CDK19: variants seen among roughly 807,000 people sequenced by gnomAD.
The protein encoded by CDK19 is cyclin dependent kinase 19.
Under a neutral mutation model 68.3 loss-of-function variants are expected in CDK19, and 20 were observed. The ratio of observed to expected loss-of-function variants is 0.29; its 90% CI spans 0.21 to 0.43. CDK19 has a LOEUF of 0.43. Among genes scored for constraint, CDK19 ranks in the 20% least tolerant of loss-of-function variants. The pLI, the probability that CDK19 is intolerant of heterozygous loss-of-function variation, is 1.00. For missense variants in CDK19, 339 were observed against 623.5 expected (o/e 0.54, Z 4.86); for synonymous variants, 221 against 222.8 (o/e 0.99, Z 0.07).
At chr6:110,735,198 C>CA in intron 2 of CDK19, among the ~76,000 whole-genome samples, 1 of 151,792 alleles carries the variant, frequency 6.6e-6, no homozygotes, top group East Asian at 1.9e-4. Context: ...CCTCTTGCCT[C>CA]AGCCTCCCAA....
chr6:110,763,842 A>G (rs1345141618), intron 1 of CDK19, among the ~76,000 whole-genome samples: 1 of 152,224 alleles, frequency 6.6e-6, no homozygotes, highest in East Asian at 1.9e-4. Flanking sequence ...GTAATTGTCT[A>G]CGAAGAAAAT....
At chr6:110,615,547 C>T (rs969295777) in intron 12 of CDK19, among the ~76,000 whole-genome samples, 2 of 152,166 alleles carry the variant, frequency 1.3e-5, no homozygotes, top group Admixed American at 1.3e-4. Flanking sequence ...AATTAAACAG[C>T]AAGAAAATTA....
intron 1 of CDK19, among the ~76,000 whole-genome samples, chr6:110,760,290 A>AG (rs1779140845): frequency 1.3e-5 from 2 of 149,342 alleles, no homozygotes; most frequent in African/African-American, 4.9e-5. Flanking sequence ...CCAGCTACTC[A>AG]GGAGGCTGAG....
At chr6:110,737,214 C>T (rs4458734) in intron 2 of CDK19, among the ~76,000 whole-genome samples, 103,118 of 152,098 alleles carry the variant, frequency 0.68, 36,017 homozygotes, top group Admixed American at 0.81. Context: ...ATCCCATCTT[C>T]CCTTACCATA....
chr6:110,809,171 C>T (rs557243064), intron 1 of CDK19, among the ~76,000 whole-genome samples: 2 of 150,034 alleles, frequency 1.3e-5, no homozygotes, highest in African/African-American at 2.5e-5. Context: ...GCCGAGACTG[C>T]GCCACTGCAC....
chr6:110,758,963 T>TA lies in CDK19; in HGVS notation c.129-12763dup, dbSNP rs71671379. On this transcript the variant is annotated intron_variant, in intron 1 of 12. Coordinates refer to ENST00000368911, the MANE Select transcript of CDK19 (RefSeq NM_015076.5). ...TAAATATCAATGAAAAATAAATACT[T>TA]AAAAAAAAAAATGATGGGCCAGGTA... 2.7e-3 allele frequency among the ~76,000 whole-genome samples: 400 copies of TA among 146,840 alleles called. 1 individual carries two copies. Among genetic ancestry groups the TA allele is most frequent in the Non-Finnish European group, 4.4e-3 (294 of 66,270 alleles).
intron 2 of CDK19, among the ~76,000 whole-genome samples, chr6:110,720,627 G>A (rs372239311): frequency 1.6e-4 from 25 of 152,280 alleles, no homozygotes; most frequent in African/African-American, 4.8e-4. Context: ...AACACTTTGG[G>A]AGGCCAAGGC....
chr6:110,651,423 G>T (rs533536665), intron 4 of CDK19, among the ~76,000 whole-genome samples: 2 of 152,098 alleles, frequency 1.3e-5, no homozygotes, highest in East Asian at 3.9e-4. Flanking sequence ...TTAGAGAAAT[G>T]GCATTTTAAA....
intron 2 of CDK19, among the ~76,000 whole-genome samples, chr6:110,741,484 T>A (rs78665905): frequency 0.037 from 5,216 of 139,428 alleles, 120 homozygotes; most frequent in Middle Eastern, 0.082. Context: ...TAAAATAAAT[T>A]AAAAAAAAAA....
intron 10 of CDK19, 150 bp from the exon 11 acceptor site, chr6:110,622,316 T>C (rs552697382): frequency 5.0e-6 from 3 of 602,392 alleles, no homozygotes; most frequent in East Asian, 2.8e-5. Context: ...TGCTAGCTAG[T>C]TGACATATAG....
chr6:110,786,620 TCTTATG>T (rs1274908947), intron 1 of CDK19, among the ~76,000 whole-genome samples: 2 of 150,314 alleles, frequency 1.3e-5, no homozygotes, highest in African/African-American at 4.8e-5. Context: ...GCCTTAAAGG[TCTTATG>T]ACCCACTGAT....
At chr6:110,803,861 C>CA (rs1782494426) in intron 1 of CDK19, among the ~76,000 whole-genome samples, 1 of 152,150 alleles carries the variant, frequency 6.6e-6, no homozygotes, top group South Asian at 2.1e-4. Flanking sequence ...CCCAGCTACT[C>CA]AAGAGGCTGA....
At chr6:110,732,406 G>A (rs986356868) in intron 2 of CDK19, among the ~76,000 whole-genome samples, 1 of 152,114 alleles carries the variant, frequency 6.6e-6, no homozygotes, top group South Asian at 2.1e-4. Flanking sequence ...AGGAAGCTGA[G>A]GCACAAGAAG....
chr6:110,781,771 G>A (rs1001074117), intron 1 of CDK19, among the ~76,000 whole-genome samples: 1 of 151,728 alleles, frequency 6.6e-6, no homozygotes, highest in Non-Finnish European at 1.5e-5. Flanking sequence ...TTGAGCTCAG[G>A]AGGTGGAAGC....
chr6:110,794,569 T>A (rs1781813175), intron 1 of CDK19, among the ~76,000 whole-genome samples: 1 of 149,362 alleles, frequency 6.7e-6, no homozygotes, highest in Admixed American at 6.6e-5. Flanking sequence ...GTCCAGCTAA[T>A]TTTTTTTGTA....
intron 2 of CDK19, among the ~76,000 whole-genome samples, chr6:110,715,193 TC>T (rs1166905405): frequency 6.6e-6 from 1 of 152,164 alleles, no homozygotes; most frequent in Admixed American, 6.6e-5. Flanking sequence ...TTCCTCACCC[TC>T]CTCTGAATTC....
chr6:110,623,570 T>C (rs555143375), intron 8 of CDK19: 68 of 264,882 alleles, frequency 2.6e-4, no homozygotes, highest in African/African-American at 1.5e-3. Flanking sequence ...ACTGTTACAA[T>C]CCCTTTGGAA....
intron 2 of CDK19, among the ~76,000 whole-genome samples, chr6:110,742,836 G>A (rs528814028): frequency 1.4e-4 from 22 of 152,196 alleles, no homozygotes; most frequent in Middle Eastern, 3.4e-3. Flanking sequence ...CGTGCACAGC[G>A]GGACATAGAC....
intron 2 of CDK19, among the ~76,000 whole-genome samples, chr6:110,693,363 G>A (rs766128498): frequency 6.6e-5 from 10 of 152,244 alleles, no homozygotes; most frequent in Non-Finnish European, 8.8e-5. Flanking sequence ...ACCTAGAGCC[G>A]AACTGGATTT....
Sources: allele counts gnomAD v4.1 joint callset (sites outside exome capture counted in the v4.1 genomes callset), GRCh38; gene constraint gnomAD v4.1.1; transcripts MANE v1.5; gene names NCBI Gene and HGNC (gene_info 2026-07-23, HGNC 2026-07-21).